Variants in CHN2 observed in about 807,000 individuals in gnomAD.
CHN2 encodes the protein chimerin 2, also known as beta-chimaerin.
CHN2 carries 35 observed loss-of-function variants against 56.3 expected under a neutral mutation model. That is an observed-to-expected ratio of 0.62 (90% CI 0.47 to 0.82). The LOEUF is 0.82. Ranked by LOEUF, CHN2 falls within the 40% of genes least tolerant of loss-of-function variation. The probability of loss-of-function intolerance (pLI) is 0.00; values close to 1 mark genes in which losing one functional copy is unlikely to be tolerated. For missense variants in CHN2, 491 were observed against 580.5 expected (o/e 0.85, Z 1.58); for synonymous variants, 210 against 212.8 (o/e 0.99, Z 0.12).
intron 1 of CHN2, among the ~76,000 whole-genome samples, chr7:29,303,014 G>A (rs1466145759): frequency 2.6e-5 from 4 of 152,066 alleles, no homozygotes; most frequent in Non-Finnish European, 5.9e-5. Context: ...GACAGATCCC[G>A]GTCCCGCCCA....
chr7:29,445,764 G>A (rs189130917), intron 6 of CHN2, among the ~76,000 whole-genome samples: 2 of 152,030 alleles, frequency 1.3e-5, no homozygotes, highest in East Asian at 3.9e-4. Context: ...CAAGGAGCTA[G>A]AGTAAATTTG....
intron 1 of CHN2, among the ~76,000 whole-genome samples, chr7:29,330,650 A>T (rs1796143991): frequency 6.6e-6 from 1 of 152,240 alleles, no homozygotes; most frequent in South Asian, 2.1e-4. Context: ...AAATTCTTAG[A>T]AATCCCATAA....
intron 9 of CHN2, among the ~76,000 whole-genome samples, chr7:29,503,982 T>G (rs1361441730): frequency 6.6e-6 from 1 of 152,214 alleles, no homozygotes; most frequent in African/African-American, 2.4e-5. Flanking sequence ...CTTTTTTTCT[T>G]AGCCTAAATT....
intron 1 of CHN2, among the ~76,000 whole-genome samples, chr7:29,296,176 C>G (rs900029633): frequency 2.6e-5 from 4 of 151,850 alleles, no homozygotes; most frequent in Non-Finnish European, 5.9e-5. Context: ...CTCCACCTCC[C>G]AGGTTCAAGA....
intron 2 of CHN2, among the ~76,000 whole-genome samples, chr7:29,355,183 A>C (rs1279437370): frequency 8.6e-5 from 13 of 151,762 alleles, no homozygotes; most frequent in African/African-American, 3.1e-4. Context: ...GTTGGTCAGG[A>C]TGGTCTCGAA....
chr7:29,498,573 C>T (rs533953274), intron 8 of CHN2, among the ~76,000 whole-genome samples: 1 of 152,188 alleles, frequency 6.6e-6, no homozygotes, highest in South Asian at 2.1e-4. Flanking sequence ...TCTTGGTGTG[C>T]TTAAGTGCTA....
intron 1 of CHN2, among the ~76,000 whole-genome samples, chr7:29,201,171 G>A (rs1469899054): frequency 2.0e-5 from 3 of 152,186 alleles, no homozygotes; most frequent in Non-Finnish European, 4.4e-5. Flanking sequence ...AGAAATAAGA[G>A]CTGGACTGAC....
At chr7:29,462,465 G>A (rs1386600264) in intron 6 of CHN2, among the ~76,000 whole-genome samples, 1 of 152,192 alleles carries the variant, frequency 6.6e-6, no homozygotes, top group Non-Finnish European at 1.5e-5. Context: ...TCAAAGTCTT[G>A]AGGGGAACTC....
chr7:29,372,460 A>C (rs746984400), intron 3 of CHN2, among the ~76,000 whole-genome samples: 4 of 152,168 alleles, frequency 2.6e-5, no homozygotes, highest in Admixed American at 6.5e-5. Context: ...CTTTCTTAAC[A>C]TATTTGATTG....
chr7:29,478,702 A>G (rs943406668), intron 6 of CHN2, among the ~76,000 whole-genome samples: 2 of 152,220 alleles, frequency 1.3e-5, no homozygotes, highest in African/African-American at 4.8e-5. Flanking sequence ...AGAATCGGGA[A>G]TAAAAATCTT....
At chr7:29,487,350 G>A (rs1186804815) in intron 7 of CHN2, among the ~76,000 whole-genome samples, 1 of 152,132 alleles carries the variant, frequency 6.6e-6, no homozygotes, top group Non-Finnish European at 1.5e-5. Flanking sequence ...CTCAAAGTGA[G>A]ACTGGAATAA....
chr7:29,227,974 C>T (rs1397281630), intron 1 of CHN2, among the ~76,000 whole-genome samples: 1 of 152,000 alleles, frequency 6.6e-6, no homozygotes, highest in Non-Finnish European at 1.5e-5. Flanking sequence ...TGCTGGCATC[C>T]AACAAGCTTA....
intron 1 of CHN2, among the ~76,000 whole-genome samples, chr7:29,325,781 A>G (rs895661121): frequency 5.9e-5 from 9 of 152,042 alleles, no homozygotes; most frequent in Non-Finnish European, 1.0e-4. Context: ...ACCTGGCACC[A>G]CTGAATGGTG....
At chr7:29,252,696 C>T (rs1253288420) in intron 1 of CHN2, among the ~76,000 whole-genome samples, 2 of 121,272 alleles carry the variant, frequency 1.6e-5, no homozygotes, top group Admixed American at 1.6e-4. Flanking sequence ...CCCGGGTTCA[C>T]GCCATTCTCC....
chr7:29,195,649 T>TGA (rs1554358915), intron 1 of CHN2, among the ~76,000 whole-genome samples: 3,517 of 130,254 alleles, frequency 0.027, 45 homozygotes, highest in South Asian at 0.042. Flanking sequence ...TGTGTGTGTG[T>TGA]GAGAGAGAGA....
chr7:29,323,878 C>T (rs1356607668), intron 1 of CHN2, among the ~76,000 whole-genome samples: 1 of 151,982 alleles, frequency 6.6e-6, no homozygotes, highest in Non-Finnish European at 1.5e-5. Flanking sequence ...GTGGCAGGCA[C>T]CTGTGGTCCC....
At chr7:29,329,402 A>AAAAG (rs1796045992) in intron 1 of CHN2, among the ~76,000 whole-genome samples, 2 of 150,078 alleles carry the variant, frequency 1.3e-5, no homozygotes, top group Non-Finnish European at 3.0e-5. Flanking sequence ...AAAAAAAAAA[A>AAAAG]GTCAGCAATT....
In CHN2 at chr7:29,326,364, G is replaced by C. The variant is rs1795802976; in HGVS notation, c.50-28261G>C. ...GTAGAGACGGGATTTCACCATGTGGGCCAGGCTGGTCTTGATCTCCTGACC... is the reference window on the plus strand; with the variant it reads ...GTAGAGACGGGATTTCACCATGTGGCCCAGGCTGGTCTTGATCTCCTGACC... On this transcript the variant is annotated intron_variant, in intron 1 of 12. Transcript: ENST00000222792. Among the ~76,000 whole-genome samples the C allele has an allele frequency of 2.0e-5, 3 of 152,148 alleles. No individual in the cohort carries two copies. The South Asian group carries it at 6.2e-4, about 32-fold the overall frequency.
At chr7:29,267,436 G>T (rs1281933334) in intron 1 of CHN2, among the ~76,000 whole-genome samples, 1 of 151,902 alleles carries the variant, frequency 6.6e-6, no homozygotes, top group African/African-American at 2.4e-5. Flanking sequence ...TAGAGACAGG[G>T]TTTCACCATG....
Sources: gnomAD v4.1 joint callset for allele counts (sites outside exome capture counted in the v4.1 genomes callset) on GRCh38, gnomAD v4.1.1 for gene constraint, MANE v1.5 for transcripts, NCBI Gene and HGNC (gene_info 2026-07-23, HGNC 2026-07-21) for gene names.